Variants in NRXN3 observed in about 807,000 individuals in gnomAD.
NRXN3 encodes the protein neurexin 3, also known as neurexin III.
In NRXN3, 32 loss-of-function variants were observed where a neutral mutation model predicts 137.6. The observed-to-expected ratio is 0.23, with a 90% CI of 0.18 to 0.31. The LOEUF (loss-of-function observed/expected upper bound fraction) is 0.31, where lower values mean the gene tolerates loss of function less well. NRXN3 is among the 10% of genes least tolerant of loss of function. NRXN3 has a pLI of 1.00. For missense variants in NRXN3, 1,574 were observed against 2,062.5 expected, an observed-to-expected ratio of 0.76 and a Z score of 4.59; for synonymous variants, 798 against 784.5, an observed-to-expected ratio of 1.02 and a Z score of -0.29.
At chr14:78,295,525 C>A (rs997071577) in intron 3 of NRXN3, among the ~76,000 whole-genome samples, 1 of 152,146 alleles carries the variant, frequency 6.6e-6, no homozygotes, top group Non-Finnish European at 1.5e-5. Context: ...TATTAAATAT[C>A]CAATTCCCCT....
chr14:79,580,421 G>A (rs1439698325), intron 16 of NRXN3, among the ~76,000 whole-genome samples: 2 of 148,068 alleles, frequency 1.4e-5, no homozygotes, highest in Admixed American at 1.3e-4. Context: ...TTTCTCTATA[G>A]CACAAAAGAT....
rs142872936 is a variant in NRXN3, at chr14:78,207,106, A to C, written c.-703-35285A>C. Among the ~76,000 whole-genome samples the C allele has an allele frequency of 8.8e-3, 1,337 of 152,176 alleles. 19 individuals are homozygous for C. Among genetic ancestry groups the C allele is most frequent in the East Asian group, 0.05 (257 of 5,154 alleles). On this transcript the variant is annotated intron_variant, in intron 1 of 20. Transcript: ENST00000335750. ...CTCGAACTCCTGACCTCAAGTGATC[A>C]GCCCATCTTGGCCTCCCAAAGTGCT... is the stretch of plus-strand genomic sequence containing the variant.
chr14:78,247,979 A>G (rs2067942020), intron 2 of NRXN3, among the ~76,000 whole-genome samples: 1 of 152,162 alleles, frequency 6.6e-6, no homozygotes, highest in African/African-American at 2.4e-5. Context: ...GGAACAATGG[A>G]GAAGCTTTCA....
intron 4 of NRXN3, among the ~76,000 whole-genome samples, chr14:78,442,924 T>C (rs1261526302): frequency 6.6e-6 from 1 of 152,224 alleles, no homozygotes; most frequent in East Asian, 1.9e-4. Flanking sequence ...TCATTGCGTT[T>C]TGTATTTATG....
At chr14:79,527,976 T>G (rs1172001424) in intron 16 of NRXN3, among the ~76,000 whole-genome samples, 5 of 152,068 alleles carry the variant, frequency 3.3e-5, no homozygotes, top group Non-Finnish European at 4.4e-5. Context: ...GGCAAGCATT[T>G]ATTTCTATAT....
chr14:79,611,696 T>C (rs1207102158), intron 16 of NRXN3: 2 of 152,238 alleles, frequency 1.3e-5, no homozygotes, highest in Non-Finnish European at 2.9e-5. Context: ...CCAATGATCA[T>C]GAATAAATTC....
intron 4 of NRXN3, among the ~76,000 whole-genome samples, chr14:78,611,472 A>T (rs1490917297): frequency 6.6e-6 from 1 of 151,816 alleles, no homozygotes; most frequent in Non-Finnish European, 1.5e-5. Context: ...TATACCAGAA[A>T]GCATACATAT....
At chr14:78,353,300 C>T (rs762399628) in intron 4 of NRXN3, among the ~76,000 whole-genome samples, 16 of 152,166 alleles carry the variant, frequency 1.1e-4, no homozygotes, top group East Asian at 3.9e-4. Context: ...AACAAAATAC[C>T]GTAGATTGAG....
chr14:78,845,573 C>T (rs996980037), intron 10 of NRXN3, among the ~76,000 whole-genome samples: 1 of 151,888 alleles, frequency 6.6e-6, no homozygotes, highest in Non-Finnish European at 1.5e-5. Flanking sequence ...AGAATGTTGA[C>T]CTCAAATGTC....
intron 15 of NRXN3, among the ~76,000 whole-genome samples, chr14:79,159,999 A>G (rs1475900232): frequency 6.6e-6 from 1 of 151,912 alleles, no homozygotes; most frequent in East Asian, 1.9e-4. Flanking sequence ...ACTCATTGGA[A>G]TGAAATGGCT....
At chr14:78,872,465 C>T (rs1052197327) in intron 10 of NRXN3, among the ~76,000 whole-genome samples, 4 of 150,976 alleles carry the variant, frequency 2.6e-5, no homozygotes, top group Admixed American at 6.6e-5. Flanking sequence ...TTTTTTATTC[C>T]ATTTTCTTTC....
chr14:79,737,437 G>T (rs926892230), intron 19 of NRXN3, among the ~76,000 whole-genome samples: 2 of 152,048 alleles, frequency 1.3e-5, no homozygotes, highest in Non-Finnish European at 2.9e-5. Context: ...CCTCTTTTTA[G>T]TAAAATGATT....
At chr14:78,524,891 C>G (rs1373351678) in intron 4 of NRXN3, among the ~76,000 whole-genome samples, 1 of 152,138 alleles carries the variant, frequency 6.6e-6, no homozygotes, top group Non-Finnish European at 1.5e-5. Context: ...AGAGGGAAGC[C>G]TGAATGTGAG....
At chr14:78,263,823 G>GT (rs1169525992) in intron 2 of NRXN3, among the ~76,000 whole-genome samples, 1 of 148,624 alleles carries the variant, frequency 6.7e-6, no homozygotes, top group Non-Finnish European at 1.5e-5. Flanking sequence ...CAATTTTTTA[G>GT]TTAATAACAA....
At chr14:78,535,243 G>A (rs1600084155) in intron 4 of NRXN3, among the ~76,000 whole-genome samples, 2 of 151,954 alleles carry the variant, frequency 1.3e-5, no homozygotes, top group African/African-American at 4.8e-5. Context: ...CTGCTTCTCT[G>A]TTTACTGGGC....
chr14:79,277,873 C>T (rs941004993), intron 15 of NRXN3, among the ~76,000 whole-genome samples: 11 of 152,284 alleles, frequency 7.2e-5, no homozygotes, highest in South Asian at 2.1e-4. Flanking sequence ...TCATTTACTA[C>T]GGGCAGCTTG....
Position 78,588,197 on chromosome 14 carries a change from CT to C in NRXN3, c.758-56921del, listed in dbSNP as rs1453867022. 2.0e-5 allele frequency among the ~76,000 whole-genome samples: 3 copies of C among 152,194 alleles called. No homozygotes were observed. In the South Asian group the frequency reaches 6.2e-4, roughly 32 times the overall value. ...TTACTTCTGATCATGTCATAGTTGTCTTGAATAACTGAATAGCTGATGTTTT... is the reference window on the plus strand; with the variant it reads ...TTACTTCTGATCATGTCATAGTTGTCTGAATAACTGAATAGCTGATGTTTT... On this transcript the variant is annotated intron_variant, in intron 4 of 20. Coordinates refer to ENST00000335750, the MANE Select transcript of NRXN3 (RefSeq NM_001330195.2).
intron 15 of NRXN3, among the ~76,000 whole-genome samples, chr14:79,257,611 T>C (rs537511061): frequency 3.7e-4 from 53 of 143,562 alleles, no homozygotes; most frequent in Non-Finnish European, 3.3e-4. Context: ...GTGGTGGTGG[T>C]GGTGACGATG....
intron 15 of NRXN3, among the ~76,000 whole-genome samples, chr14:79,078,400 C>T (rs188034285): frequency 3.9e-5 from 6 of 152,298 alleles, no homozygotes; most frequent in Non-Finnish European, 8.8e-5. Flanking sequence ...CCCATTTCCA[C>T]TACAAATACT....
Sources: allele counts gnomAD v4.1 joint callset (sites outside exome capture counted in the v4.1 genomes callset), GRCh38; gene constraint gnomAD v4.1.1; transcripts MANE v1.5; gene names NCBI Gene and HGNC (gene_info 2026-07-23, HGNC 2026-07-21).